The following DGKB variants were observed in gnomAD, a reference collection of about 807,000 sequenced individuals.
DGKB encodes the protein 90 kDa diacylglycerol kinase.
DGKB carries 67 observed loss-of-function variants against 114.3 expected under a neutral mutation model. That is an observed-to-expected ratio of 0.59 (90% confidence interval 0.48 to 0.72). DGKB has a LOEUF of 0.72. Ranked by LOEUF, DGKB falls within the 30% of genes least tolerant of loss-of-function variation. The pLI, the probability that DGKB is intolerant of heterozygous loss-of-function variation, is 0.00. For synonymous variants in DGKB, 398 were observed against 323.1 expected (o/e 1.23, Z -2.49); for missense variants, 907 against 975.2 (o/e 0.93, Z 0.93).
At chr7:14,573,159 G>A (rs754242468) in intron 20 of DGKB, among the ~76,000 whole-genome samples, 2 of 152,098 alleles carry the variant, frequency 1.3e-5, no homozygotes, top group Non-Finnish European at 1.5e-5. Context: ...TTATACCAAC[G>A]TGAATAGGAG....
At chr7:14,777,705 G>C (rs575496819) in intron 2 of DGKB, among the ~76,000 whole-genome samples, 1 of 152,080 alleles carries the variant, frequency 6.6e-6, no homozygotes, top group Admixed American at 6.5e-5. Context: ...CACAGTCTCA[G>C]GTATGTCTTT....
chr7:14,571,769 G>A (rs966880307), intron 20 of DGKB, among the ~76,000 whole-genome samples: 3 of 152,128 alleles, frequency 2.0e-5, no homozygotes, highest in Admixed American at 6.5e-5. Flanking sequence ...ATATGGATGC[G>A]ATGACAAAGA....
chr7:14,957,921 T>A (rs372316533), intron 1 of DGKB, among the ~76,000 whole-genome samples: 10 of 152,188 alleles, frequency 6.6e-5, no homozygotes, highest in East Asian at 3.9e-4. Flanking sequence ...TATAAAATCA[T>A]AAATTTTAAA....
chr7:14,508,227 A>T (rs1787406504), intron 20 of DGKB, among the ~76,000 whole-genome samples: 1 of 152,230 alleles, frequency 6.6e-6, no homozygotes, highest in African/African-American at 2.4e-5. Context: ...TTAGCACAGT[A>T]GGGCTCAAAT....
At chr7:14,701,555 T>C (rs1208457515) in intron 7 of DGKB, 126 bp downstream of exon 7, 2 of 662,586 alleles carry the variant, frequency 3.0e-6, no homozygotes, top group Non-Finnish European at 2.7e-6. Flanking sequence ...AAGATAAAAA[T>C]GCCATATGAG....
At chr7:14,150,904 C>T (rs1357001378) in intron 25 of DGKB, among the ~76,000 whole-genome samples, 2 of 152,054 alleles carry the variant, frequency 1.3e-5, no homozygotes, top group South Asian at 2.1e-4. Flanking sequence ...GCTTCAGATA[C>T]TGTATCAGGA....
At chr7:14,478,042 ACACG>A (rs1007171944) in intron 21 of DGKB, 115 bp downstream of exon 21, 365 of 570,902 alleles carry the variant, frequency 6.4e-4, no homozygotes, top group African/African-American at 5.3e-3. Context: ...ACACACACAC[ACACG>A]CACACAAAGC....
At chr7:14,173,647 A>G (rs913087595) in intron 25 of DGKB, among the ~76,000 whole-genome samples, 6 of 152,208 alleles carry the variant, frequency 3.9e-5, no homozygotes, top group Non-Finnish European at 8.8e-5. Flanking sequence ...TAAGAAAAAT[A>G]TTGGGTTATT....
chr7:14,659,225 T>C (rs917201827), intron 13 of DGKB, among the ~76,000 whole-genome samples: 3 of 152,158 alleles, frequency 2.0e-5, no homozygotes, highest in East Asian at 1.9e-4. Context: ...TAAAGGGCTA[T>C]GGTGCTGAAC....
chr7:14,845,690 T>C (rs2128146718), intron 1 of DGKB, among the ~76,000 whole-genome samples: 1 of 152,054 alleles, frequency 6.6e-6, no homozygotes, highest in African/African-American at 2.4e-5. Flanking sequence ...AAAGAAAAGG[T>C]TGAGTGGAAG....
At chr7:14,248,361 G>C (rs1291033540) in intron 23 of DGKB, among the ~76,000 whole-genome samples, 1 of 151,956 alleles carries the variant, frequency 6.6e-6, no homozygotes, top group African/African-American at 2.4e-5. Flanking sequence ...ATAAGTTTTA[G>C]GATTGTGTTT....
intron 23 of DGKB, among the ~76,000 whole-genome samples, chr7:14,229,969 C>T (rs1791456170): frequency 6.6e-6 from 1 of 151,888 alleles, no homozygotes; most frequent in Non-Finnish European, 1.5e-5. Context: ...CCTATCTTTG[C>T]CAAAAGGTAA....
chr7:14,818,612 A>G (rs1340855730), intron 2 of DGKB, among the ~76,000 whole-genome samples: 1 of 152,224 alleles, frequency 6.6e-6, no homozygotes, highest in Non-Finnish European at 1.5e-5. Flanking sequence ...TAATGGAAAC[A>G]GAAATGAAGC....
At chr7:14,817,970 C>T (rs978639211) in intron 2 of DGKB, among the ~76,000 whole-genome samples, 2 of 151,934 alleles carry the variant, frequency 1.3e-5, no homozygotes, top group Non-Finnish European at 2.9e-5. Flanking sequence ...CATGTATCTG[C>T]CAAGCCTAAT....
intron 23 of DGKB, among the ~76,000 whole-genome samples, chr7:14,255,363 ATG>A (rs1291834046): frequency 2.0e-5 from 3 of 152,208 alleles, no homozygotes; most frequent in Non-Finnish European, 4.4e-5. Context: ...CAGAGTCAAT[ATG>A]TGTATACTCT....
chr7:14,762,071 AT>A (rs1349913693), intron 2 of DGKB, among the ~76,000 whole-genome samples: 1 of 152,122 alleles, frequency 6.6e-6, no homozygotes, highest in Admixed American at 6.6e-5. Flanking sequence ...TAACATATCC[AT>A]TTTCCCAGCA....
At chr7:14,404,826 C>T (rs1823683550) in intron 21 of DGKB, among the ~76,000 whole-genome samples, 1 of 151,732 alleles carries the variant, frequency 6.6e-6, no homozygotes, top group Non-Finnish European at 1.5e-5. Context: ...TCTGCTTTTC[C>T]TTGTCTTTCG....
chr7:14,854,554 C>T (rs912379782), intron 1 of DGKB, among the ~76,000 whole-genome samples: 8 of 152,158 alleles, frequency 5.3e-5, no homozygotes, highest in African/African-American at 1.9e-4. Flanking sequence ...AGATTCTTCA[C>T]ATACACAGTT....
At chr7:14,851,454 A>G (rs1303936714) in intron 1 of DGKB, among the ~76,000 whole-genome samples, 2 of 152,202 alleles carry the variant, frequency 1.3e-5, no homozygotes, top group Admixed American at 1.3e-4. Flanking sequence ...GTGAAAATAA[A>G]GATAGATTCT....
Sources: gnomAD v4.1 joint callset for allele counts (sites outside exome capture counted in the v4.1 genomes callset) on GRCh38, gnomAD v4.1.1 for gene constraint, MANE v1.5 for transcripts, NCBI Gene and HGNC (gene_info 2026-07-23, HGNC 2026-07-21) for gene names.